The following C8orf34 variants were observed in gnomAD, a reference collection of about 807,000 sequenced individuals.
C8orf34 encodes uncharacterized protein C8orf34.
In C8orf34, 65 loss-of-function variants were observed where a neutral mutation model predicts 68.3. That is an observed-to-expected ratio of 0.95 (90% CI 0.78 to 1.17). The LOEUF is 1.17. Among genes scored for constraint, C8orf34 ranks in the 50% most tolerant of loss-of-function variants. C8orf34 has a pLI of 0.00. For synonymous variants in C8orf34, 244 were observed against 241.2 expected, an observed-to-expected ratio of 1.01 and a Z score of -0.11; for missense variants, 664 against 655.4, an observed-to-expected ratio of 1.01 and a Z score of -0.14.
intron 5 of C8orf34, among the ~76,000 whole-genome samples, chr8:68,491,636 A>G (rs1433852710): frequency 1.3e-5 from 2 of 152,218 alleles, no homozygotes; most frequent in African/African-American, 4.8e-5. Context: ...TGGCTAATGC[A>G]GATAATCTCT....
chr8:68,570,611 G>A (rs375462435), intron 7 of C8orf34, among the ~76,000 whole-genome samples: 46 of 152,222 alleles, frequency 3.0e-4, no homozygotes, highest in African/African-American at 1.0e-3. Flanking sequence ...TTCAAAACTA[G>A]TACATTGGTT....
intron 4 of C8orf34, among the ~76,000 whole-genome samples, chr8:68,487,410 T>A (rs1405499798): frequency 6.6e-6 from 1 of 152,186 alleles, no homozygotes; most frequent in East Asian, 1.9e-4. Context: ...AGAATAATTT[T>A]GGAGAAAGGA....
chr8:68,719,410 T>A (rs1016996346), intron 9 of C8orf34, among the ~76,000 whole-genome samples: 2 of 151,916 alleles, frequency 1.3e-5, no homozygotes, highest in Admixed American at 1.3e-4. Context: ...AAAATGTAAA[T>A]CATACAAAGT....
intron 1 of C8orf34, among the ~76,000 whole-genome samples, chr8:68,417,770 G>A (rs529389738): frequency 6.6e-5 from 10 of 151,942 alleles, no homozygotes; most frequent in Admixed American, 5.3e-4. Flanking sequence ...TTGACTTGGC[G>A]ATGCGGGCTC....
chr8:68,535,215 T>C, intron 7 of C8orf34: 1 of 980,336 alleles, frequency 1.0e-6, no homozygotes, highest in Non-Finnish European at 1.2e-6. Context: ...TGGAAATTTA[T>C]GTGAAATCTA....
intron 11 of C8orf34, among the ~76,000 whole-genome samples, chr8:68,784,606 C>T (rs1823788594): frequency 6.6e-6 from 1 of 152,188 alleles, no homozygotes; most frequent in Middle Eastern, 3.2e-3. Flanking sequence ...TGTCTATTCT[C>T]ATCCATTCAT....
chr8:68,574,449 A>C (rs1816845690), intron 7 of C8orf34, among the ~76,000 whole-genome samples: 1 of 152,074 alleles, frequency 6.6e-6, no homozygotes, highest in Non-Finnish European at 1.5e-5. Flanking sequence ...TAGTATCTTG[A>C]AACCAGTATA....
At chr8:68,337,522 T>C (rs563744491) in intron 1 of C8orf34, among the ~76,000 whole-genome samples, 15 of 152,200 alleles carry the variant, frequency 9.9e-5, no homozygotes, top group Non-Finnish European at 1.9e-4. Flanking sequence ...ACTTCTGTTA[T>C]GAAAGAGATT....
At chr8:68,575,400 T>C (rs1816872627) in intron 7 of C8orf34, among the ~76,000 whole-genome samples, 1 of 152,088 alleles carries the variant, frequency 6.6e-6, no homozygotes. Context: ...ATAAACCGTC[T>C]AGTTTTCTAA....
In C8orf34 at chr8:68,446,382, A is replaced by T. The variant is rs770833205; in HGVS notation, c.529A>T (p.Asn177Tyr). 3.7e-6 allele frequency: 6 copies of T among 1,612,136 alleles called. No individual in the cohort carries two copies. In the Admixed American group the frequency reaches 1.0e-4, roughly 27 times the overall value. The change falls in exon 3 of 14, where the codon AAT (asparagine) becomes TAT (tyrosine). Residue 177 changes from asparagine (N) to tyrosine (Y), a missense_variant. By Grantham distance (143) the Asn-to-Tyr change is moderately radical. Coordinates refer to ENST00000518698, the MANE Select transcript of C8orf34 (RefSeq NM_052958.4). ...AAGCTATGATAAACCTTGGCAATTA[A>T]ATGCAAAGAAGCCTAAAAAATCAAA... ...FRSYDKPWQLNAKKPKKSKSD... is the reference protein window; with the variant it reads ...FRSYDKPWQLYAKKPKKSKSD...
At chr8:68,496,330 T>G (rs1813521641) in intron 5 of C8orf34, among the ~76,000 whole-genome samples, 1 of 152,176 alleles carries the variant, frequency 6.6e-6, no homozygotes, top group Non-Finnish European at 1.5e-5. Context: ...ATGAGAAAGC[T>G]CTCATGATCT....
intron 3 of C8orf34, among the ~76,000 whole-genome samples, chr8:68,462,088 G>A (rs1165001217): frequency 2.6e-5 from 4 of 151,990 alleles, no homozygotes; most frequent in Non-Finnish European, 2.9e-5. Context: ...ATAAAAGGAT[G>A]GAGGAAGATC....
intron 7 of C8orf34, among the ~76,000 whole-genome samples, chr8:68,541,624 A>C (rs2129940684): frequency 6.6e-6 from 1 of 152,344 alleles, no homozygotes; most frequent in African/African-American, 2.4e-5. Flanking sequence ...TTAAATGCTT[A>C]GTCTTATCCT....
rs577645630 is a variant in C8orf34 at position 68,772,683 on chromosome 8, T to TTCCC, written c.1405-3697_1405-3694dup. ...CTTTCTTTCTTCCTTCTTTCTTTCT[T>TTCCC]TCCCTCCCTCCCTCCCTCCCTCTCT... is the stretch of plus-strand genomic sequence containing the variant. On this transcript the variant is annotated intron_variant, in intron 10 of 13. Coordinates refer to ENST00000518698, the MANE Select transcript of C8orf34 (RefSeq NM_052958.4). 1.2e-4 allele frequency among the ~76,000 whole-genome samples: 18 copies of TTCCC among 151,558 alleles called. No homozygotes were observed. The East Asian group carries it at 2.5e-3, about 21-fold the overall frequency.
chr8:68,690,118 G>C (rs775808964), intron 8 of C8orf34, among the ~76,000 whole-genome samples: 25 of 152,008 alleles, frequency 1.6e-4, no homozygotes, highest in Admixed American at 6.6e-4. Flanking sequence ...AAAAACATGT[G>C]TTAGGCTATA....
chr8:68,331,765 CTTT>C, intron 1 of C8orf34, among the ~76,000 whole-genome samples: 1 of 45,764 alleles, frequency 2.2e-5, no homozygotes, highest in East Asian at 5.9e-4. Flanking sequence ...TTTCTTTTTT[CTTT>C]TCTTTTCTTT....
intron 5 of C8orf34, among the ~76,000 whole-genome samples, chr8:68,508,669 G>A (rs1467772524): frequency 6.6e-6 from 1 of 152,188 alleles, no homozygotes; most frequent in East Asian, 1.9e-4. Flanking sequence ...CTTGTCCAGA[G>A]TGACTTCAGT....
intron 2 of C8orf34, 72 bp from the exon 3 acceptor site, chr8:68,446,257 C>CTTGACA: frequency 7.7e-7 from 1 of 1,304,488 alleles, no homozygotes; most frequent in South Asian, 1.5e-5. Context: ...TATTTAATGA[C>CTTGACA]TTCGTGGACT....
intron 12 of C8orf34, among the ~76,000 whole-genome samples, chr8:68,788,059 A>G (rs1823894121): frequency 6.6e-6 from 1 of 152,228 alleles, no homozygotes; most frequent in African/African-American, 2.4e-5. Flanking sequence ...ATGAATCACT[A>G]TACTAATGCC....
Sources: gnomAD v4.1 joint callset for allele counts (sites outside exome capture counted in the v4.1 genomes callset) on GRCh38, gnomAD v4.1.1 for gene constraint, MANE v1.5 for transcripts, NCBI Gene and HGNC (gene_info 2026-07-23, HGNC 2026-07-21) for gene names.